Variants in LAMB4 observed in about 807,000 individuals in gnomAD.
The protein encoded by LAMB4 is laminin subunit beta-4.
In LAMB4, 196 loss-of-function variants were observed where a neutral mutation model predicts 199.2. The ratio of observed to expected loss-of-function variants is 0.98; its 90% CI spans 0.88 to 1.11. The LOEUF is 1.11. Among genes scored for constraint, LAMB4 ranks in the 50% least tolerant of loss-of-function variants. The pLI is 0.00. For missense variants in LAMB4, 2,080 were observed against 2,171.2 expected (o/e 0.96, Z 0.83); for synonymous variants, 744 against 770.6 (o/e 0.97, Z 0.57).
chr7:108,031,837 A>C (rs1196457380), intron 31 of LAMB4, among the ~76,000 whole-genome samples: 2 of 152,150 alleles, frequency 1.3e-5, no homozygotes, highest in East Asian at 3.9e-4. Flanking sequence ...TTCCCCTTAC[A>C]AACAGTAATA....
At chr7:108,011,710 C>T in the LAMB4 span, among the ~76,000 whole-genome samples, 1,091 of 151,898 alleles carry the variant, frequency 7.2e-3, 6 homozygotes, top group Non-Finnish European at 0.012. Flanking sequence ...TGAGCCACTG[C>T]ACTCGGCCCA....
At chr7:108,044,768 C>A (rs1014983884) in intron 28 of LAMB4, among the ~76,000 whole-genome samples, 33 of 152,044 alleles carry the variant, frequency 2.2e-4, no homozygotes, top group African/African-American at 7.7e-4. Context: ...GCCTGGCCAA[C>A]ATGGTGAAAC....
intron 31 of LAMB4, among the ~76,000 whole-genome samples, chr7:108,032,210 C>T (rs1445523444): frequency 1.3e-5 from 2 of 151,858 alleles, no homozygotes; most frequent in Admixed American, 6.6e-5. Flanking sequence ...GCCAACATGG[C>T]GAAACCTCGT....
Position 108,112,854 on chromosome 7 carries a change from G to A in LAMB4, c.193-908C>T, listed in dbSNP as rs912848990. Among the ~76,000 whole-genome samples, 9 of 152,304 alleles carry A rather than the reference G, an allele frequency of 5.9e-5. No homozygotes were observed. The East Asian group carries it at 1.5e-3, about 26-fold the overall frequency. ...TTGCCTACAACAGCATAGGTGCTCA[G>A]CTGGTGGCACTCAGTGCACGTTGCT... On this transcript the variant is annotated intron_variant, in intron 3 of 33. Transcript: ENST00000388781.
chr7:108,096,234 C>A (rs2037590938), intron 11 of LAMB4, among the ~76,000 whole-genome samples: 1 of 152,200 alleles, frequency 6.6e-6, no homozygotes, highest in Non-Finnish European at 1.5e-5. Flanking sequence ...CTGGGTACCT[C>A]ATATAAGTGG....
chr7:108,120,315 A>G (rs1023981991), intron 2 of LAMB4, among the ~76,000 whole-genome samples: 2 of 152,330 alleles, frequency 1.3e-5, no homozygotes, highest in Admixed American at 1.3e-4. Context: ...CTTAAACATT[A>G]TTCACATGAA....
intron 6 of LAMB4, 47 bp downstream of exon 6, chr7:108,107,584 T>C: frequency 7.0e-7 from 1 of 1,430,624 alleles, no homozygotes; most frequent in Non-Finnish European, 9.5e-7. Context: ...ATTATACTTT[T>C]TAAAAGTTTA....
chr7:108,025,709 T>A (rs1023610599), intron 33 of LAMB4, among the ~76,000 whole-genome samples: 1 of 152,164 alleles, frequency 6.6e-6, no homozygotes, highest in Non-Finnish European at 1.5e-5. Flanking sequence ...ATAACAGGCA[T>A]GGGCCACCAC....
chr7:108,035,604 C>CAAAAAAAA (rs34425857), intron 30 of LAMB4, among the ~76,000 whole-genome samples: 1 of 79,946 alleles, frequency 1.3e-5, no homozygotes, highest in African/African-American at 4.6e-5. Context: ...TAGAGAGTAC[C>CAAAAAAAA]AAAAAAAAAA....
rs71137605 is a variant in LAMB4, at chr7:108,126,554, C to CTTTTTTTTT, written c.-33-3366_-33-3358dup. On this transcript the variant is annotated intron_variant, in intron 1 of 33. Coordinates refer to ENST00000388781, the MANE Select transcript of LAMB4 (RefSeq NM_007356.3). Reference sequence around the variant, plus strand: ...TTGTAGGATGTGTCAGAATTTCTTTCTTTTTTTTTTTTTTTTTTTTTGAGA... The same window carrying CTTTTTTTTT: ...TTGTAGGATGTGTCAGAATTTCTTTCTTTTTTTTTTTTTTTTTTTTTTTTTTTTTTGAGA... 9.6e-3 allele frequency among the ~76,000 whole-genome samples: 798 copies of CTTTTTTTTT among 83,526 alleles called. 49 individuals carry two copies. Among genetic ancestry groups the CTTTTTTTTT allele is most frequent in the African/African-American group, 0.012 (229 of 19,832 alleles). 54.8% of individuals were successfully genotyped at this position (83,526 alleles called of 152,430 possible).
Position 108,123,184 on chromosome 7 carries a change from TA to T in LAMB4, c.-21del. ...TTGCATTCTTTTGTCAGGAGATGAT[TA>T]AATTCAATTCTACTGGGTTAAAAAA... On this transcript the variant is annotated 5_prime_UTR_variant, in exon 2 of 34. Transcript: ENST00000388781. 1 of 1,601,570 alleles carries T rather than the reference TA, an allele frequency of 6.2e-7. No homozygotes were observed. Among genetic ancestry groups the T allele is most frequent in the Non-Finnish European group, 8.5e-7 (1 of 1,172,890 alleles).
At position 108,063,753 on chromosome 7, in the gene LAMB4, A is replaced by G. The variant is rs1355652843; in HGVS notation, c.3061+8T>C. 1 of 1,611,354 alleles carries G rather than the reference A, an allele frequency of 6.2e-7. No individual in the cohort carries two copies. Among genetic ancestry groups the G allele is most frequent in the Admixed American group, 1.7e-5 (1 of 60,012 alleles). Reference sequence around the variant, plus strand: ...ACACATTTCCCCCTGGGAGTTTTGCAGACTTACTTCTGCAGGTCTGATTGA... The same window carrying G: ...ACACATTTCCCCCTGGGAGTTTTGCGGACTTACTTCTGCAGGTCTGATTGA... On this transcript the variant is annotated splice_region_variant and intron_variant, in intron 22 of 33. Coordinates refer to ENST00000388781, the MANE Select transcript of LAMB4 (RefSeq NM_007356.3).
Position 108,079,674 on chromosome 7 carries a change from G to T in LAMB4, c.1814C>A (p.Ala605Asp). 3 of 1,613,162 alleles carry T rather than the reference G, an allele frequency of 1.9e-6. No individual in the cohort carries two copies. The highest frequency in any genetic ancestry group is 2.2e-5 in the East Asian group (1 of 44,840). ...GTTGTTGACAGCAAATCTCAAGCCA[G>T]CCCCAGGGAGAACCCTGGCAAATCC... ...GPGFARVLPG[A>D]GLRFAVNNIP... The change falls in exon 15 of 34, where the codon GCT becomes GAT. Residue 605 changes from alanine to aspartate, a missense_variant. Transcript: ENST00000388781.
At chr7:108,091,866 T>C in intron 13 of LAMB4, 90 bp from the exon 14 acceptor site, 2 of 1,278,312 alleles carry the variant, frequency 1.6e-6, no homozygotes, top group South Asian at 1.3e-5. Context: ...CTCCCTGAGT[T>C]TGGAGCAATC....
Position 108,104,467 on chromosome 7 carries a change from T to A in LAMB4, c.991+32A>T, listed in dbSNP as rs1231164363. 7 of 1,612,982 alleles carry A rather than the reference T, an allele frequency of 4.3e-6. No individual in the cohort carries two copies. In the Admixed American group the frequency reaches 1.2e-4, roughly 27 times the overall value. On this transcript the variant is annotated intron_variant, in intron 9 of 33. Coordinates refer to ENST00000388781, the MANE Select transcript of LAMB4 (RefSeq NM_007356.3). ...TTAAATAAGGAAATGCAGAGCACACTCAGTCTATGCAGGGAACTGAGTTTC... is the reference window on the plus strand; with the variant it reads ...TTAAATAAGGAAATGCAGAGCACACACAGTCTATGCAGGGAACTGAGTTTC...
intron 14 of LAMB4, among the ~76,000 whole-genome samples, 157 bp from the exon 15 acceptor site, chr7:108,079,943 G>C (rs748035873): frequency 8.5e-5 from 13 of 152,152 alleles, no homozygotes; most frequent in Non-Finnish European, 1.8e-4. Flanking sequence ...ATACAGTCCA[G>C]AATCCAGCTG....
At chr7:108,086,326 C>A (rs1279096534) in intron 14 of LAMB4, among the ~76,000 whole-genome samples, 1 of 152,182 alleles carries the variant, frequency 6.6e-6, no homozygotes, top group Non-Finnish European at 1.5e-5. Flanking sequence ...ACTTCCCTCA[C>A]TCCATTATAG....
At chr7:108,069,990 ACT>A (rs1354613337) in intron 17 of LAMB4, 105 bp from the exon 18 acceptor site, 7 of 803,510 alleles carry the variant, frequency 8.7e-6, no homozygotes, top group Non-Finnish European at 1.3e-5. Context: ...TTCAAAGAAG[ACT>A]CAACTCAATC....
At position 108,026,916 on chromosome 7, in the gene LAMB4, C is replaced by T. The variant is rs189096697; in HGVS notation, c.5146+2127G>A. 6 of 517,718 alleles carry T rather than the reference C, an allele frequency of 1.2e-5. No homozygotes were observed. The Admixed American group carries it at 1.2e-4, about 10-fold the overall frequency. 32.1% of individuals were successfully genotyped at this position (517,718 alleles called of 1,614,324 possible). A position where few individuals can be genotyped will look rare whatever the true frequency, so the allele number is the denominator to read the frequency against. ...TATCTTGCTGAGTTCTGAAAACAGC[C>T]TCAAAAGGAAAAGAGAAAAGGCAGT... On this transcript the variant is annotated intron_variant, in intron 33 of 33. Coordinates refer to ENST00000388781, the MANE Select transcript of LAMB4 (RefSeq NM_007356.3).
Sources: allele counts gnomAD v4.1 joint callset (sites outside exome capture counted in the v4.1 genomes callset), GRCh38; gene constraint gnomAD v4.1.1; transcripts MANE v1.5; gene names NCBI Gene and HGNC (gene_info 2026-07-23, HGNC 2026-07-21).